The following ZNF609 variants were observed in gnomAD, a reference collection of about 807,000 sequenced individuals.
The protein encoded by ZNF609 is zinc finger protein 609.
A neutral mutation model predicts 109.5 loss-of-function variants in ZNF609; 11 were observed. That is an observed-to-expected ratio of 0.10 (90% CI 0.06 to 0.17). ZNF609 has a LOEUF of 0.17. Among genes scored for constraint, ZNF609 ranks in the 10% least tolerant of loss-of-function variants. ZNF609 has a pLI of 1.00. For synonymous variants in ZNF609, 646 were observed against 662.0 expected (o/e 0.98, Z 0.37); for missense variants, 1,559 against 1,772.4 (o/e 0.88, Z 2.16).
At chr15:64,566,197 G>T (rs1041033211) in intron 2 of ZNF609, among the ~76,000 whole-genome samples, 1 of 152,182 alleles carries the variant, frequency 6.6e-6, no homozygotes, top group Non-Finnish European at 1.5e-5. Context: ...AGGCAAGGTG[G>T]CTCACACCTG....
At chr15:64,534,004 G>A (rs550718802) in intron 2 of ZNF609, among the ~76,000 whole-genome samples, 1 of 148,880 alleles carries the variant, frequency 6.7e-6, no homozygotes, top group Admixed American at 6.7e-5. Flanking sequence ...AGCAATCACT[G>A]TTATTAACCT....
intron 2 of ZNF609, among the ~76,000 whole-genome samples, chr15:64,607,191 AT>A (rs1036591942): frequency 4.8e-5 from 7 of 146,602 alleles, no homozygotes; most frequent in East Asian, 2.0e-4. Flanking sequence ...AGTAAAAAAA[AT>A]AAATAAATAA....
At chr15:64,623,127 T>A in intron 3 of ZNF609, 75 bp downstream of exon 3, 1 of 1,426,314 alleles carries the variant, frequency 7.0e-7, no homozygotes, top group Non-Finnish European at 9.8e-7. Flanking sequence ...CTTATTGTTG[T>A]AAATATTACC....
rs368284734 is a variant in ZNF609, at chr15:64,679,662, C to A, written c.3770-523C>A. On this transcript the variant is annotated intron_variant, in intron 6 of 9. Transcript: ENST00000326648. ...CCCATCAATATAAAAATCATAGTTG[C>A]ATTTGTTGAGTGCTCGCCCTGAGCC... is the stretch of plus-strand genomic sequence containing the variant. Among the ~76,000 whole-genome samples, 27 of 152,312 alleles carry A rather than the reference C, an allele frequency of 1.8e-4. No homozygotes were observed. The East Asian group carries it at 3.3e-3, about 18-fold the overall frequency.
intron 2 of ZNF609, among the ~76,000 whole-genome samples, chr15:64,616,255 G>C (rs1382147339): frequency 1.3e-5 from 2 of 151,852 alleles, no homozygotes; most frequent in Non-Finnish European, 2.9e-5. Context: ...TGGCCTCCCA[G>C]AGTGCTGGGA....
intron 1 of ZNF609, among the ~76,000 whole-genome samples, chr15:64,463,636 C>G (rs1237647488): frequency 6.6e-6 from 1 of 152,134 alleles, no homozygotes; most frequent in Non-Finnish European, 1.5e-5. Context: ...TGGTGCCTCC[C>G]TTATCCTTTT....
chr15:64,673,772 A>G (rs1896768313), intron 4 of ZNF609, 144 bp from the exon 5 acceptor site: 1 of 957,782 alleles, frequency 1.0e-6, no homozygotes, highest in Non-Finnish European at 1.5e-6. Flanking sequence ...ATTTAGTGCA[A>G]TTCACAATCA....
intron 2 of ZNF609, among the ~76,000 whole-genome samples, chr15:64,580,346 A>G (rs537130): frequency 0.74 from 111,879 of 151,596 alleles, 44,984 homozygotes; most frequent in East Asian, 0.96. Flanking sequence ...GCATTGTTTT[A>G]AGCCACTGAG....
rs898364089 is a variant in ZNF609, at chr15:64,619,760, G to A, written c.748-3067G>A. 5.3e-5 allele frequency among the ~76,000 whole-genome samples: 8 copies of A among 152,310 alleles called. 1 individual carries two copies. In the East Asian group the frequency reaches 1.5e-3, roughly 29 times the overall value. Reference sequence around the variant, plus strand: ...ATGAGTCTGTTCTGTTATTCTTAGTGATCAGTTCAGCTGAAGTTTCTTCTC... The same window carrying A: ...ATGAGTCTGTTCTGTTATTCTTAGTAATCAGTTCAGCTGAAGTTTCTTCTC... On this transcript the variant is annotated intron_variant, in intron 2 of 9. Coordinates refer to ENST00000326648, the MANE Select transcript of ZNF609 (RefSeq NM_015042.2).
At chr15:64,621,766 T>A (rs1166572859) in intron 2 of ZNF609, among the ~76,000 whole-genome samples, 4 of 63,164 alleles carry the variant, frequency 6.3e-5, no homozygotes, top group Non-Finnish European at 1.3e-4. Context: ...ATTGCTTCTT[T>A]CTTTTTTTTT....
intron 3 of ZNF609, among the ~76,000 whole-genome samples, chr15:64,654,912 C>T (rs1208837977): frequency 2.0e-5 from 3 of 151,494 alleles, no homozygotes; most frequent in East Asian, 1.9e-4. Context: ...CTGGCTAACA[C>T]GGTGAAACCC....
At position 64,676,037 on chromosome 15, in the gene ZNF609, A is replaced by G; in HGVS notation, c.3183A>G (p.Lys1061=). ...CCCCCAGCCTGACAGACCTGGTGAA[A>G]TCAGGACCTGGCAAGGCCAAGGAGC... ...TKAPSLTDLV[K]SGPGKAKEPG... Residue 1061 remains lysine, a synonymous_variant, in exon 5 of 10, where the codon AAA becomes AAG. Coordinates refer to ENST00000326648, the MANE Select transcript of ZNF609 (RefSeq NM_015042.2). The G allele has an allele frequency of 6.2e-7, 1 of 1,614,242 alleles. No individual in the cohort carries two copies. The highest frequency in any genetic ancestry group is 8.5e-7 in the Non-Finnish European group (1 of 1,180,038).
chr15:64,538,876 C>G (rs1894197225), intron 2 of ZNF609, among the ~76,000 whole-genome samples: 1 of 151,536 alleles, frequency 6.6e-6, no homozygotes, highest in African/African-American at 2.4e-5. Flanking sequence ...AAAATAAAAC[C>G]CAGGCTAGAG....
Position 64,609,016 on chromosome 15 carries a change from C to T in ZNF609, c.748-13811C>T, listed in dbSNP as rs139307475. 5.3e-3 allele frequency among the ~76,000 whole-genome samples: 812 copies of T among 152,054 alleles called. 11 individuals carry two copies. Among genetic ancestry groups the T allele is most frequent in the African/African-American group, 0.019 (770 of 41,460 alleles). Reference sequence around the variant, plus strand: ...GCTCCCAAAGTGCTGAGATGATAGGCGTGAGTTACCACACCCAGCCCTGTT... The same window carrying T: ...GCTCCCAAAGTGCTGAGATGATAGGTGTGAGTTACCACACCCAGCCCTGTT... On this transcript the variant is annotated intron_variant, in intron 2 of 9. Transcript: ENST00000326648.
rs1311015068 is a variant in ZNF609 at position 64,499,660 on chromosome 15, C to T, written c.241C>T (p.Pro81Ser). 6.2e-7 allele frequency: 1 copy of T among 1,614,140 alleles called. No individual in the cohort carries two copies. Residue 81 changes from proline (P) to serine (S), a missense_variant, in exon 2 of 10, where the codon CCT becomes TCT. By Grantham distance (74) the Pro-to-Ser change is moderately conservative. This residue lies in a region of ZNF609 where 291 missense variants were observed against 317.8 expected (regional missense o/e 0.92). Coordinates refer to ENST00000326648, the MANE Select transcript of ZNF609 (RefSeq NM_015042.2). The part of the protein sequence containing the change: ...NIKFVTPVPG[P>S]QGKEGKSKSK... ...CAAGTTTGTGACCCCAGTGCCAGGTCCTCAAGGGAAGGAAGGCAAATCAAA... is the reference window on the plus strand; with the variant it reads ...CAAGTTTGTGACCCCAGTGCCAGGTTCTCAAGGGAAGGAAGGCAAATCAAA...
At chr15:64,638,421 T>C (rs984149525) in intron 3 of ZNF609, among the ~76,000 whole-genome samples, 3 of 151,992 alleles carry the variant, frequency 2.0e-5, no homozygotes, top group African/African-American at 4.8e-5. Flanking sequence ...GGATCATCTT[T>C]GTGAATTTTT....
chr15:64,596,424 G>C (rs1595732502), intron 2 of ZNF609, among the ~76,000 whole-genome samples: 1 of 152,046 alleles, frequency 6.6e-6, no homozygotes, highest in Admixed American at 6.6e-5. Context: ...AAAGTGCTGA[G>C]ATTACAGGCG....
Position 64,675,358 on chromosome 15 carries a change from C to T in ZNF609, c.2504C>T (p.Ala835Val). ...GTGGTGACCCAGAATGGAGCTGAAG[C>T]CAGCTCAGTCAAAACCAACAGCCCT... The part of the protein sequence containing the change: ...LHVVTQNGAE[A>V]SSVKTNSPAY... Residue 835 changes from alanine to valine, a missense_variant, in exon 5 of 10, where the codon GCC becomes GTC. By Grantham distance (64) the Ala-to-Val change is moderately conservative. Around this residue, in one of 4 missense-constraint regions of ZNF609, gnomAD observed 1,204 missense variants for 1,314.1 expected, o/e 0.92. Transcript: ENST00000326648. 6.2e-7 allele frequency: 1 copy of T among 1,613,952 alleles called. No homozygotes were observed. Among genetic ancestry groups the T allele is most frequent in the Non-Finnish European group, 8.5e-7 (1 of 1,179,914 alleles).
At chr15:64,602,889 A>ATTTTTTTTTTTTTTTTTTTTTTTTTTTTT (rs10600562) in intron 2 of ZNF609, among the ~76,000 whole-genome samples, 1 of 75,166 alleles carries the variant, frequency 1.3e-5, no homozygotes, top group Non-Finnish European at 2.3e-5. Flanking sequence ...CTCTGGGCTA[A>ATTTTTTTTTTTTTTTTTTTTTTTTTTTTT]TTTTTTTTTT....
Sources: allele counts gnomAD v4.1 joint callset (sites outside exome capture counted in the v4.1 genomes callset), GRCh38; gene constraint gnomAD v4.1.1; regional missense constraint gnomAD v4.1.1; transcripts MANE v1.5; gene names NCBI Gene and HGNC (gene_info 2026-07-23, HGNC 2026-07-21).